CSMD1: variants seen among roughly 807,000 people sequenced by gnomAD.
CSMD1 encodes the protein CUB and sushi domain-containing protein 1.
In CSMD1, 213 loss-of-function variants were observed where a neutral mutation model predicts 417.5. That is an observed-to-expected ratio of 0.51 (90% confidence interval 0.46 to 0.57). The LOEUF is 0.57. Among genes scored for constraint, CSMD1 ranks in the 20% least tolerant of loss-of-function variants. CSMD1 has a pLI of 0.00. For synonymous variants in CSMD1, 2,862 were observed against 1,736.8 expected, an observed-to-expected ratio of 1.65 and a Z score of -16.11; for missense variants, 6,923 against 4,529.7, an observed-to-expected ratio of 1.53 and a Z score of -15.17.
At chr8:3,331,127 A>G (rs1055334828) in intron 23 of CSMD1, among the ~76,000 whole-genome samples, 4 of 151,634 alleles carry the variant, frequency 2.6e-5, no homozygotes, top group African/African-American at 9.7e-5. Context: ...AGTCCCAGCT[A>G]TTCAGGAGGC....
At chr8:4,951,688 T>A (rs1278245699) in intron 1 of CSMD1, among the ~76,000 whole-genome samples, 3 of 151,710 alleles carry the variant, frequency 2.0e-5, no homozygotes, top group Admixed American at 1.3e-4. Context: ...AAATGAGGAA[T>A]CCTTGGCTGT....
chr8:4,183,560 T>G (rs1426357605), intron 3 of CSMD1, among the ~76,000 whole-genome samples: 1 of 152,196 alleles, frequency 6.6e-6, no homozygotes, highest in Admixed American at 6.5e-5. Flanking sequence ...GAGACAGACA[T>G]TCCTTTAAAA....
At chr8:3,363,818 G>A (rs554364228) in intron 20 of CSMD1, among the ~76,000 whole-genome samples, 3 of 152,306 alleles carry the variant, frequency 2.0e-5, no homozygotes, top group South Asian at 2.1e-4. Flanking sequence ...ACGTCGTAGC[G>A]AGTGGGAAAG....
At chr8:2,947,117 C>G (rs1802296682) in intron 68 of CSMD1, among the ~76,000 whole-genome samples, 1 of 152,154 alleles carries the variant, frequency 6.6e-6, no homozygotes, top group Non-Finnish European at 1.5e-5. Flanking sequence ...ATTCTGGATA[C>G]AAGTCACTTA....
chr8:4,223,105 A>T (rs1456531625), intron 3 of CSMD1, among the ~76,000 whole-genome samples: 9 of 148,244 alleles, frequency 6.1e-5, no homozygotes, highest in African/African-American at 2.0e-4. Context: ...TGCCCTGAGC[A>T]TCTGTAGTAG....
At chr8:4,026,086 A>G (rs1166237852) in intron 4 of CSMD1, among the ~76,000 whole-genome samples, 2 of 152,056 alleles carry the variant, frequency 1.3e-5, no homozygotes, top group Non-Finnish European at 2.9e-5. Context: ...AGCAGAATAT[A>G]TACTCATTTC....
rs570092273 is a variant in CSMD1, at chr8:4,097,702, A to C, written c.416-65603T>G. ...GTGAATTTTAGCCCTTGGAATTCAG[A>C]AAGAACATTCAACATAAGGTTAATA... On this transcript the variant is annotated intron_variant, in intron 3 of 69. Coordinates refer to ENST00000635120, the MANE Select transcript of CSMD1 (RefSeq NM_033225.6). Among the ~76,000 whole-genome samples, 7 of 152,364 alleles carry C rather than the reference A, an allele frequency of 4.6e-5. No individual in the cohort carries two copies. In the East Asian group the frequency reaches 1.2e-3, roughly 25 times the overall value.
chr8:3,865,228 C>T (rs1805002447), intron 5 of CSMD1, among the ~76,000 whole-genome samples: 1 of 152,332 alleles, frequency 6.6e-6, no homozygotes. Context: ...GTCATCATCT[C>T]TGTCCTCAAC....
intron 5 of CSMD1, among the ~76,000 whole-genome samples, chr8:3,957,943 G>A (rs886249004): frequency 1.3e-5 from 2 of 152,078 alleles, no homozygotes; most frequent in African/African-American, 4.8e-5. Context: ...AGCAAATCCT[G>A]CAGGGTATAA....
chr8:4,796,764 G>C (rs186692545), intron 1 of CSMD1, among the ~76,000 whole-genome samples: 1 of 152,284 alleles, frequency 6.6e-6, no homozygotes, highest in African/African-American at 2.4e-5. Context: ...GCCGAATTCA[G>C]TCCCCTTCCC....
intron 5 of CSMD1, among the ~76,000 whole-genome samples, chr8:3,957,634 T>C (rs1445572804): frequency 1.3e-5 from 2 of 151,622 alleles, no homozygotes; most frequent in African/African-American, 2.4e-5. Flanking sequence ...CAGTGAACTA[T>C]AGTCATGCCA....
chr8:3,108,807 G>A (rs910763188), intron 43 of CSMD1, 59 bp from the exon 44 acceptor site: 39 of 1,491,708 alleles, frequency 2.6e-5, no homozygotes, highest in Non-Finnish European at 3.2e-5. Flanking sequence ...TGAGATTTAT[G>A]GAAACTTTGG....
intron 3 of CSMD1, among the ~76,000 whole-genome samples, chr8:4,194,888 T>G (rs868478257): frequency 6.6e-6 from 1 of 152,152 alleles, no homozygotes; most frequent in African/African-American, 2.4e-5. Flanking sequence ...AGCCACATAA[T>G]TAGAACTGTT....
chr8:3,548,159 T>C (rs894193028), intron 10 of CSMD1, among the ~76,000 whole-genome samples: 1 of 152,116 alleles, frequency 6.6e-6, no homozygotes, highest in African/African-American at 2.4e-5. Context: ...CATGTAACAA[T>C]GTTATGGGGG....
intron 3 of CSMD1, among the ~76,000 whole-genome samples, chr8:4,038,939 T>TC (rs1384994264): frequency 1.3e-5 from 2 of 152,160 alleles, no homozygotes; most frequent in African/African-American, 4.8e-5. Context: ...GTACATATGG[T>TC]CACAATTCAG....
intron 1 of CSMD1, among the ~76,000 whole-genome samples, chr8:4,986,359 C>T (rs564194968): frequency 6.6e-6 from 1 of 152,068 alleles, no homozygotes; most frequent in African/African-American, 2.4e-5. Flanking sequence ...GAAAATTACT[C>T]ATTTGTTAGA....
chr8:4,149,777 G>C (rs556964725), intron 3 of CSMD1, among the ~76,000 whole-genome samples: 13 of 152,310 alleles, frequency 8.5e-5, no homozygotes, highest in Admixed American at 5.2e-4. Flanking sequence ...ATGTGTCGTA[G>C]TTGCTTCAGG....
intron 42 of CSMD1, among the ~76,000 whole-genome samples, chr8:3,118,145 T>G (rs771237834): frequency 1.3e-5 from 2 of 152,186 alleles, no homozygotes; most frequent in Non-Finnish European, 2.9e-5. Context: ...TGCAGCTCAG[T>G]ATACCATTCC....
intron 21 of CSMD1, 53 bp downstream of exon 21, chr8:3,359,099 G>A (rs1447902690): frequency 7.0e-6 from 11 of 1,573,308 alleles, no homozygotes; most frequent in East Asian, 2.2e-5. Flanking sequence ...CTTCTTGCCT[G>A]GGCTAGACCC....
Sources: allele counts gnomAD v4.1 joint callset (sites outside exome capture counted in the v4.1 genomes callset), GRCh38; gene constraint gnomAD v4.1.1; transcripts MANE v1.5; gene names NCBI Gene and HGNC (gene_info 2026-07-23, HGNC 2026-07-21).